The following RAB31 variants were observed in gnomAD, a reference collection of about 807,000 sequenced individuals.
The protein encoded by RAB31 is ras-related protein Rab-31.
In RAB31, 21 loss-of-function variants were observed where a neutral mutation model predicts 25.6. The observed-to-expected ratio is 0.82, with a 90% CI of 0.58 to 1.18. The LOEUF is 1.18. Among genes scored for constraint, RAB31 ranks in the 50% most tolerant of loss-of-function variants. The probability of loss-of-function intolerance (pLI) is 0.00; values close to 1 mark genes in which losing one functional copy is unlikely to be tolerated. For missense variants in RAB31, 196 were observed against 250.1 expected (o/e 0.78, Z 1.46); for synonymous variants, 87 against 84.0 (o/e 1.04, Z -0.20).
intron 1 of RAB31, among the ~76,000 whole-genome samples, chr18:9,759,950 G>C (rs192899969): frequency 6.6e-5 from 10 of 152,166 alleles, no homozygotes; most frequent in African/African-American, 2.4e-4. Flanking sequence ...AGACTAAGGT[G>C]GTCCCCGTGA....
chr18:9,830,983 C>T (rs1189671277), intron 5 of RAB31, among the ~76,000 whole-genome samples: 4 of 152,188 alleles, frequency 2.6e-5, no homozygotes, highest in African/African-American at 7.2e-5. Context: ...AGCTGTCATA[C>T]GTTGCGTGTC....
Position 9,708,586 on chromosome 18 carries a change from GC to G in RAB31, c.39+147del. On this transcript the variant is annotated intron_variant, in intron 1 of 6. Transcript: ENST00000578921. This position sits in a 1 kb window ranked among gnomAD's most constrained non-coding sequence, Gnocchi z 6.4. ...TAGCCCCCGTCCCCCTCGTCCGCGC[GC>G]CCCCTGGTTCCCCGGGTCCCCCTGG... 6.0e-6 allele frequency: 4 copies of G among 671,224 alleles called. No individual in the cohort carries two copies. Among genetic ancestry groups the G allele is most frequent in the Non-Finnish European group, 9.0e-6 (4 of 446,462 alleles). The allele number at this position is 671,224 out of a possible 1,614,324, so 41.6% of individuals were successfully genotyped here.
Position 9,792,166 on chromosome 18 carries a change from G to T in RAB31, c.132G>T (p.Met44Ile). Residue 44 changes from methionine (M) to isoleucine (I), a missense_variant, in exon 3 of 7, where the codon ATG (methionine) becomes ATT (isoleucine). Met to Ile is a conservative substitution (Grantham distance 10). Transcript: ENST00000578921. The part of the protein sequence containing the change: ...NISPTIGASF[M>I]TKTVPCGNEL... ...TCTCTTTTTTCAGGGCATCTTTTAT[G>T]ACCAAAACTGTGCCTTGTGGAAATG... 2 of 1,610,872 alleles carry T rather than the reference G, an allele frequency of 1.2e-6. No individual in the cohort carries two copies. The highest frequency in any genetic ancestry group is 2.2e-5 in the South Asian group (2 of 90,190).
At chr18:9,831,442 C>G (rs1486093155) in intron 5 of RAB31, among the ~76,000 whole-genome samples, 1 of 152,252 alleles carries the variant, frequency 6.6e-6, no homozygotes, top group Non-Finnish European at 1.5e-5. Context: ...GGCCTGACTC[C>G]TTTTCCCTAA....
intron 6 of RAB31, among the ~76,000 whole-genome samples, chr18:9,849,994 A>C (rs1196212811): frequency 6.6e-6 from 1 of 152,208 alleles, no homozygotes; most frequent in Non-Finnish European, 1.5e-5. Context: ...TAAAAGGAGG[A>C]AAGTCTCCGC....
intron 5 of RAB31, among the ~76,000 whole-genome samples, chr18:9,838,682 A>C (rs1032434797): frequency 6.6e-6 from 1 of 152,188 alleles, no homozygotes; most frequent in Non-Finnish European, 1.5e-5. Context: ...TGGAGCCCGC[A>C]AGAATGTTGT....
intron 1 of RAB31, among the ~76,000 whole-genome samples, chr18:9,762,758 T>C (rs1038644532): frequency 1.3e-5 from 2 of 152,184 alleles, no homozygotes; most frequent in African/African-American, 4.8e-5. Flanking sequence ...CTTCTTTAAC[T>C]GATCTGAAGA....
At chr18:9,719,306 T>A (rs1226457040) in intron 1 of RAB31, among the ~76,000 whole-genome samples, 89 of 33,106 alleles carry the variant, frequency 2.7e-3, no homozygotes, top group Non-Finnish European at 3.5e-3. Context: ...AAAATATATA[T>A]ATATATATAT....
chr18:9,775,656 C>T (rs533721912), intron 2 of RAB31, among the ~76,000 whole-genome samples: 7 of 152,170 alleles, frequency 4.6e-5, no homozygotes, highest in Admixed American at 3.9e-4. Context: ...AGTTGGAAGA[C>T]GATATGCAGA....
chr18:9,754,942 A>G (rs2068253601), intron 1 of RAB31, among the ~76,000 whole-genome samples: 1 of 152,174 alleles, frequency 6.6e-6, no homozygotes, highest in Admixed American at 6.5e-5. Flanking sequence ...TTGTCACAGG[A>G]TTGCAAGCCC....
intron 5 of RAB31, among the ~76,000 whole-genome samples, chr18:9,822,040 ACT>A (rs1342764063): frequency 1.3e-5 from 2 of 152,176 alleles, no homozygotes; most frequent in African/African-American, 4.8e-5. Context: ...GGAAAGAATC[ACT>A]CTGTTCTATA....
At chr18:9,774,868 C>A (rs1289605177) in intron 1 of RAB31, 2 of 519,280 alleles carry the variant, frequency 3.9e-6, no homozygotes. Context: ...CCTAGAGAAA[C>A]AGATTACGTG....
intron 1 of RAB31, among the ~76,000 whole-genome samples, chr18:9,709,290 C>A (rs2068003995): frequency 6.6e-6 from 1 of 152,166 alleles, no homozygotes; most frequent in East Asian, 1.9e-4. Context: ...AACGTAGGGT[C>A]GCTTCCTTTC....
At chr18:9,839,341 G>T (rs1037851961) in intron 5 of RAB31, among the ~76,000 whole-genome samples, 1 of 152,172 alleles carries the variant, frequency 6.6e-6, no homozygotes, top group South Asian at 2.1e-4. Context: ...ATGAAGCCCC[G>T]TCCTGCTAAG....
chr18:9,845,032 T>G (rs1235507081), intron 5 of RAB31, among the ~76,000 whole-genome samples: 2 of 152,134 alleles, frequency 1.3e-5, no homozygotes, highest in African/African-American at 4.8e-5. Flanking sequence ...GTTCATGCCC[T>G]AAAACCTTTG....
chr18:9,818,294 G>C (rs9946282), intron 5 of RAB31, among the ~76,000 whole-genome samples: 1 of 152,096 alleles, frequency 6.6e-6, no homozygotes, highest in Non-Finnish European at 1.5e-5. Context: ...TTTTAGAGTT[G>C]TACAGTCATC....
intron 5 of RAB31, 37 bp downstream of exon 5, chr18:9,815,259 T>A: frequency 7.1e-7 from 1 of 1,402,504 alleles, no homozygotes; most frequent in Non-Finnish European, 9.8e-7. Context: ...GTAGATACTG[T>A]CCTCCATCCC....
intron 1 of RAB31, chr18:9,734,928 C>A: frequency 3.0e-6 from 1 of 327,948 alleles, no homozygotes; most frequent in African/African-American, 2.2e-5. Context: ...CTTTCCCTTT[C>A]CCAGAACTTT....
At chr18:9,746,535 A>T (rs917878337) in intron 1 of RAB31, among the ~76,000 whole-genome samples, 1 of 152,240 alleles carries the variant, frequency 6.6e-6, no homozygotes, top group Non-Finnish European at 1.5e-5. Flanking sequence ...AATTATGGTA[A>T]TCAAAATAGT....
Sources: allele counts gnomAD v4.1 joint callset (sites outside exome capture counted in the v4.1 genomes callset), GRCh38; gene constraint gnomAD v4.1.1; non-coding constraint Gnocchi (gnomAD v3.1); transcripts MANE v1.5; gene names NCBI Gene and HGNC (gene_info 2026-07-23, HGNC 2026-07-21).